STEAP1B: variants seen among roughly 807,000 people sequenced by gnomAD.
The protein encoded by STEAP1B is STEAP family protein MGC87042.
A neutral mutation model predicts 27.9 loss-of-function variants in STEAP1B; 13 were observed. The ratio of observed to expected loss-of-function variants is 0.47; its 90% CI spans 0.30 to 0.74. STEAP1B has a LOEUF of 0.74. Among genes scored for constraint, STEAP1B ranks in the 30% least tolerant of loss-of-function variants. The probability of loss-of-function intolerance (pLI) is 0.06; values close to 1 mark genes in which losing one functional copy is unlikely to be tolerated. For synonymous variants in STEAP1B, 86 were observed against 107.1 expected, an observed-to-expected ratio of 0.80 and a Z score of 1.22; for missense variants, 250 against 298.7, an observed-to-expected ratio of 0.84 and a Z score of 1.20.
At chr7:22,477,116 G>A (rs1478112699) in intron 4 of STEAP1B, among the ~76,000 whole-genome samples, 3 of 152,184 alleles carry the variant, frequency 2.0e-5, no homozygotes, top group Non-Finnish European at 2.9e-5. Context: ...ATGAGGGCAC[G>A]CATAGCCTTT....
At chr7:22,426,145 C>T (rs1016400758) in intron 4 of STEAP1B, among the ~76,000 whole-genome samples, 2 of 152,092 alleles carry the variant, frequency 1.3e-5, no homozygotes, top group Admixed American at 6.6e-5. Context: ...ATTTCATTTA[C>T]AGTAAAACTT....
At chr7:22,437,017 A>T (rs1483162955) in intron 4 of STEAP1B, among the ~76,000 whole-genome samples, 1 of 152,254 alleles carries the variant, frequency 6.6e-6, no homozygotes, top group Non-Finnish European at 1.5e-5. Flanking sequence ...GGATCTAATT[A>T]AACAGCTTCT....
chr7:22,460,428 C>T (rs1229446683), intron 4 of STEAP1B, among the ~76,000 whole-genome samples: 1 of 151,842 alleles, frequency 6.6e-6, no homozygotes, highest in East Asian at 1.9e-4. Flanking sequence ...GAAAGAGTTC[C>T]CCTAGTTTAG....
At chr7:22,477,748 T>G (rs1457051467) in intron 4 of STEAP1B, among the ~76,000 whole-genome samples, 14 of 152,204 alleles carry the variant, frequency 9.2e-5, no homozygotes, top group African/African-American at 3.4e-4. Flanking sequence ...TTTTTAATGC[T>G]TCTTGTGTAA....
At chr7:22,469,752 A>T (rs1246888771) in intron 4 of STEAP1B, among the ~76,000 whole-genome samples, 2 of 152,216 alleles carry the variant, frequency 1.3e-5, no homozygotes, top group Non-Finnish European at 2.9e-5. Context: ...ACACTCTACA[A>T]TGTTTACACA....
At chr7:22,423,631 T>C (rs760857583) in intron 4 of STEAP1B, among the ~76,000 whole-genome samples, 4 of 152,210 alleles carry the variant, frequency 2.6e-5, no homozygotes, top group African/African-American at 7.2e-5. Flanking sequence ...AGTTACTCAA[T>C]TGAGCATGAG....
chr7:22,440,744 AT>A (rs1266553879), intron 4 of STEAP1B, among the ~76,000 whole-genome samples: 1 of 152,110 alleles, frequency 6.6e-6, no homozygotes, highest in Non-Finnish European at 1.5e-5. Flanking sequence ...TAGAAAAGGA[AT>A]TTAAAAAATA....
At chr7:22,440,115 G>A (rs1785309774) in intron 4 of STEAP1B, among the ~76,000 whole-genome samples, 1 of 152,098 alleles carries the variant, frequency 6.6e-6, no homozygotes, top group African/African-American at 2.4e-5. Context: ...TTCAGGTTGT[G>A]GAGCTTTTTA....
chr7:22,436,376 G>C (rs951607046), intron 4 of STEAP1B, among the ~76,000 whole-genome samples: 1 of 152,106 alleles, frequency 6.6e-6, no homozygotes. Context: ...TTATTTGTGT[G>C]TGTGTGTCAT....
chr7:22,489,244 T>C (rs1467943747), intron 4 of STEAP1B, among the ~76,000 whole-genome samples: 2 of 152,188 alleles, frequency 1.3e-5, no homozygotes, highest in African/African-American at 2.4e-5. Context: ...TAGCTAATAA[T>C]GTAACTAGTA....
chr7:22,456,965 TATATA>T (rs1396824168), intron 4 of STEAP1B, among the ~76,000 whole-genome samples: 1 of 54,482 alleles, frequency 1.8e-5, no homozygotes, highest in Non-Finnish European at 3.9e-5. Flanking sequence ...TATATATATA[TATATA>T]TATTTTTTTT....
intron 4 of STEAP1B, among the ~76,000 whole-genome samples, chr7:22,462,327 C>A (rs1323603179): frequency 6.9e-6 from 1 of 145,360 alleles, no homozygotes; most frequent in Non-Finnish European, 1.5e-5. Flanking sequence ...GTGTGCTGCA[C>A]CCACTAACTC....
chr7:22,475,669 C>T (rs552580824), intron 4 of STEAP1B, among the ~76,000 whole-genome samples: 1 of 152,198 alleles, frequency 6.6e-6, no homozygotes, highest in Non-Finnish European at 1.5e-5. Flanking sequence ...CTGAGAATGA[C>T]CCTGCATGGC....
At chr7:22,465,804 T>G (rs948474259) in intron 4 of STEAP1B, among the ~76,000 whole-genome samples, 2 of 152,106 alleles carry the variant, frequency 1.3e-5, no homozygotes, top group African/African-American at 4.8e-5. Context: ...AATAGTCCAG[T>G]GCTGACAGGC....
intron 4 of STEAP1B, among the ~76,000 whole-genome samples, chr7:22,471,633 G>A (rs61171868): frequency 0.017 from 2,623 of 152,220 alleles, 86 homozygotes; most frequent in African/African-American, 0.06. Flanking sequence ...GGCCAGGTAC[G>A]GTGGCTCACA....
At chr7:22,461,548 C>G (rs1460780071) in intron 4 of STEAP1B, among the ~76,000 whole-genome samples, 1 of 152,222 alleles carries the variant, frequency 6.6e-6, no homozygotes, top group Non-Finnish European at 1.5e-5. Context: ...TAGGCGTGAG[C>G]CACTGTGGCT....
intron 4 of STEAP1B, among the ~76,000 whole-genome samples, chr7:22,431,996 T>A (rs1223233555): frequency 2.0e-5 from 3 of 152,208 alleles, no homozygotes; most frequent in Non-Finnish European, 2.9e-5. Flanking sequence ...AAAATTCATA[T>A]ATTGAAATCT....
At chr7:22,478,375 C>T (rs17298707) in intron 4 of STEAP1B, among the ~76,000 whole-genome samples, 15,597 of 152,212 alleles carry the variant, frequency 0.1, 915 homozygotes, top group Non-Finnish European at 0.13. Flanking sequence ...CCAAGATAAG[C>T]GGTTCTTCCA....
Position 22,438,804 on chromosome 7 carries a change from G to A in STEAP1B, c.763-18968C>T, listed in dbSNP as rs139574211. ...CATTTGGTGCCTGTGTAAAGTATGT[G>A]GGAATTAAAAGCCCTGTGATAAGTG... is the stretch of plus-strand genomic sequence containing the variant. On this transcript the variant is annotated intron_variant, in intron 4 of 4. Coordinates refer to ENST00000678116, the MANE Select transcript of STEAP1B (RefSeq NM_001382447.1). 610 of 1,502,774 alleles carry A rather than the reference G, an allele frequency of 4.1e-4. 4 individuals carry two copies. The African/African-American group carries it at 7.9e-3, about 19-fold the overall frequency. 93.1% of individuals were successfully genotyped at this position (1,502,774 alleles called of 1,614,324 possible).
Sources: allele counts gnomAD v4.1 joint callset (sites outside exome capture counted in the v4.1 genomes callset), GRCh38; gene constraint gnomAD v4.1.1; transcripts MANE v1.5; gene names NCBI Gene and HGNC (gene_info 2026-07-23, HGNC 2026-07-21).